ADARB2: variants seen among roughly 807,000 people sequenced by gnomAD.
ADARB2 encodes adenosine deaminase RNA specific B2 (inactive).
In ADARB2, 25 loss-of-function variants were observed where a neutral mutation model predicts 62.2. The observed-to-expected ratio is 0.40, with a 90% CI of 0.29 to 0.56. The LOEUF is 0.56. Ranked by LOEUF, ADARB2 falls within the 20% of genes least tolerant of loss-of-function variation. The probability of loss-of-function intolerance (pLI) is 0.43; values close to 1 mark genes in which losing one functional copy is unlikely to be tolerated. For synonymous variants in ADARB2, 572 were observed against 500.8 expected, an observed-to-expected ratio of 1.14 and a Z score of -1.90; for missense variants, 1,071 against 1,077.4, an observed-to-expected ratio of 0.99 and a Z score of 0.08.
At chr10:1,233,922 C>A (rs1830834922) in intron 5 of ADARB2, 77 bp from the exon 6 acceptor site, 5 of 1,448,258 alleles carry the variant, frequency 3.5e-6, no homozygotes, top group Non-Finnish European at 3.7e-6. Flanking sequence ...ACGCTTGAGT[C>A]CTGTTTTGTA....
At chr10:1,340,293 A>C (rs1832012188) in intron 3 of ADARB2, among the ~76,000 whole-genome samples, 1 of 143,566 alleles carries the variant, frequency 7.0e-6, no homozygotes, top group South Asian at 2.2e-4. Context: ...CCAGAGAACC[A>C]CACACCCCAC....
At chr10:1,342,625 C>T (rs1431673319) in intron 3 of ADARB2, among the ~76,000 whole-genome samples, 1 of 152,162 alleles carries the variant, frequency 6.6e-6, no homozygotes, top group Non-Finnish European at 1.5e-5. Flanking sequence ...TCATCCAGCC[C>T]TGCCTGTGAT....
rs1834860089 is a variant in ADARB2 at position 1,704,299 on chromosome 10, C to T, written c.100+32752G>A. ...TATATAATGAAATAATTATATAACT[C>T]AGCATAATGTAGAATCAGTGGGAGT... On this transcript the variant is annotated intron_variant, in intron 1 of 9. Transcript: ENST00000381312. This position sits in a 1 kb window ranked among gnomAD's most constrained non-coding sequence, Gnocchi z 5.6. Among the ~76,000 whole-genome samples the T allele has an allele frequency of 6.6e-6, 1 of 152,168 alleles. No homozygotes were observed.
At chr10:1,220,306 ATGG>A (rs1175325162) in intron 6 of ADARB2, among the ~76,000 whole-genome samples, 16 of 71,970 alleles carry the variant, frequency 2.2e-4, no homozygotes, top group East Asian at 1.6e-3. Context: ...GATGGTGGTG[ATGG>A]TGGTAATGGT....
At chr10:1,394,926 CTCTT>C (rs555663417) in intron 1 of ADARB2, 100 of 456,084 alleles carry the variant, frequency 2.2e-4, no homozygotes, top group Non-Finnish European at 3.7e-4. Context: ...CTTCCTCTCT[CTCTT>C]TCTTTCTTTC....
At chr10:1,204,474 C>T (rs2131744601) in intron 7 of ADARB2, among the ~76,000 whole-genome samples, 1 of 152,346 alleles carries the variant, frequency 6.6e-6, no homozygotes, top group African/African-American at 2.4e-5. Flanking sequence ...ATTATTGACA[C>T]CCTGGCCTGC....
chr10:1,627,400 TTC>T (rs1430618414), intron 1 of ADARB2, among the ~76,000 whole-genome samples: 3 of 152,060 alleles, frequency 2.0e-5, no homozygotes, highest in Non-Finnish European at 1.5e-5. Flanking sequence ...TTAATTTTTT[TTC>T]TCTCTCTCTC....
chr10:1,376,040 C>T (rs1455470994), intron 2 of ADARB2, among the ~76,000 whole-genome samples: 3 of 151,886 alleles, frequency 2.0e-5, no homozygotes, highest in East Asian at 3.9e-4. Flanking sequence ...CACACGTGCA[C>T]GTACCACACA....
Position 1,394,873 on chromosome 10 carries a change from T to TTTTTC in ADARB2, c.101-15718_101-15714dup, listed in dbSNP as rs200095999. On this transcript the variant is annotated intron_variant, in intron 1 of 9. Transcript: ENST00000381312. ...CCAGGACTCGCTGTGCACAGGTCAT[T>TTTTTC]TTTTCTTTTCTTTTCTTTTCTTCCT... is the stretch of plus-strand genomic sequence containing the variant. The TTTTTC allele has an allele frequency of 7.4e-5, 34 of 457,082 alleles. No individual in the cohort carries two copies. In the East Asian group the frequency reaches 1.5e-3, roughly 20 times the overall value. 28.3% of individuals were successfully genotyped at this position (457,082 alleles called of 1,614,324 possible). A position where few individuals can be genotyped will look rare whatever the true frequency, so the allele number is the denominator to read the frequency against.
At chr10:1,422,697 T>C (rs2805543) in intron 1 of ADARB2, among the ~76,000 whole-genome samples, 64,609 of 152,130 alleles carry the variant, frequency 0.42, 15,738 homozygotes, top group East Asian at 0.68. Context: ...GACCAGTGAA[T>C]TCTGATAAAT....
intron 1 of ADARB2, among the ~76,000 whole-genome samples, chr10:1,459,454 G>A (rs1055627448): frequency 2.0e-5 from 3 of 152,216 alleles, no homozygotes; most frequent in Non-Finnish European, 2.9e-5. Flanking sequence ...GTTCTCACAA[G>A]TGAGAGCTAA....
chr10:1,431,592 G>A (rs1466800788), intron 1 of ADARB2, among the ~76,000 whole-genome samples: 4 of 151,788 alleles, frequency 2.6e-5, no homozygotes, highest in Non-Finnish European at 5.9e-5. Flanking sequence ...AAAGCAAGCA[G>A]AATTAAAGAA....
chr10:1,306,918 T>C (rs1239715397), intron 3 of ADARB2, among the ~76,000 whole-genome samples: 4 of 144,720 alleles, frequency 2.8e-5, no homozygotes, highest in Non-Finnish European at 4.6e-5. Context: ...TTACACCTTA[T>C]ACAAAAATCA....
intron 4 of ADARB2, among the ~76,000 whole-genome samples, chr10:1,244,879 C>A (rs887708562): frequency 3.3e-5 from 5 of 152,148 alleles, no homozygotes; most frequent in Non-Finnish European, 5.9e-5. Context: ...TCTGCATAAT[C>A]TGCGTATTCT....
At chr10:1,729,544 T>C (rs549733477) in intron 1 of ADARB2, among the ~76,000 whole-genome samples, 1 of 152,234 alleles carries the variant, frequency 6.6e-6, no homozygotes, top group Non-Finnish European at 1.5e-5. Context: ...TGCATTTTTT[T>C]CCCAAATGCA....
intron 7 of ADARB2, among the ~76,000 whole-genome samples, chr10:1,210,367 G>T (rs552650382): frequency 1.3e-5 from 2 of 152,332 alleles, no homozygotes; most frequent in South Asian, 2.1e-4. Context: ...TATTCCCAGA[G>T]AAATTTCTAA....
In ADARB2 at chr10:1,181,733, C is replaced by G. The variant is rs1836678155; in HGVS notation, c.*1460G>C. 1 of 152,216 alleles carries G rather than the reference C, an allele frequency of 6.6e-6. No homozygotes were observed. Among genetic ancestry groups the G allele is most frequent in the Non-Finnish European group, 1.5e-5 (1 of 68,048 alleles). The allele number at this position is 152,216 out of a possible 1,614,324, so 9.4% of individuals were successfully genotyped here. ...GCCCACACCCCAGAGGTGGACACCA[C>G]CATGCTTTGCCGTCTGCCATCACTG... On this transcript the variant is annotated 3_prime_UTR_variant, in exon 10 of 10. Coordinates refer to ENST00000381312, the MANE Select transcript of ADARB2 (RefSeq NM_018702.4).
At chr10:1,545,256 G>A (rs1043558373) in intron 1 of ADARB2, among the ~76,000 whole-genome samples, 3 of 152,166 alleles carry the variant, frequency 2.0e-5, no homozygotes, top group African/African-American at 7.2e-5. Flanking sequence ...TACAGTGGGT[G>A]CAATTCACAC....
chr10:1,343,656 A>G (rs2820644), intron 3 of ADARB2, among the ~76,000 whole-genome samples: 110,862 of 152,164 alleles, frequency 0.73, 40,823 homozygotes, highest in East Asian at 1. Context: ...GATACAGAAA[A>G]TATGCTACAT....
Sources: allele counts gnomAD v4.1 joint callset (sites outside exome capture counted in the v4.1 genomes callset), GRCh38; gene constraint gnomAD v4.1.1; non-coding constraint Gnocchi (gnomAD v3.1); transcripts MANE v1.5; gene names NCBI Gene and HGNC (gene_info 2026-07-23, HGNC 2026-07-21).